PRRG1: variants seen among roughly 807,000 people sequenced by gnomAD.
PRRG1 encodes the protein transmembrane gamma-carboxyglutamic acid protein 1.
Under a neutral mutation model 11.8 loss-of-function variants are expected in PRRG1, and 5 were observed. The ratio of observed to expected loss-of-function variants is 0.42; its 90% CI spans 0.22 to 0.89. PRRG1 has a LOEUF of 0.89. Among genes scored for constraint, PRRG1 ranks in the 40% least tolerant of loss-of-function variants. The pLI, the probability that PRRG1 is intolerant of heterozygous loss-of-function variation, is 0.28. For missense variants in PRRG1, 155 were observed against 166.1 expected, an observed-to-expected ratio of 0.93 and a Z score of 0.37; for synonymous variants, 66 against 60.4, an observed-to-expected ratio of 1.09 and a Z score of -0.43.
chrX:37,424,419 C>G (rs1346578173), intron 2 of PRRG1, among the ~76,000 whole-genome samples: 1 of 111,124 alleles, frequency 9.0e-6, no homozygotes, highest in Non-Finnish European at 1.9e-5. Flanking sequence ...ATAATCAGTC[C>G]TTCAGGGATT....
chrX:37,400,073 C>T (rs1321626875), intron 1 of PRRG1, among the ~76,000 whole-genome samples: 5 of 111,095 alleles, frequency 4.5e-5, no homozygotes, highest in Non-Finnish European at 9.4e-5. Context: ...GACAGATCAA[C>T]GAGACAGAAA....
chrX:37,390,402 T>C (rs1931484245), intron 1 of PRRG1, among the ~76,000 whole-genome samples: 1 of 111,683 alleles, frequency 9.0e-6, no homozygotes, highest in Non-Finnish European at 1.9e-5. Context: ...CCTGTGTGTG[T>C]GCGTATAATA....
chrX:37,452,545 C>T (rs1921181188), intron 3 of PRRG1, among the ~76,000 whole-genome samples: 1 of 112,048 alleles, frequency 8.9e-6, no homozygotes, highest in Non-Finnish European at 1.9e-5. Flanking sequence ...TGAGGTCTCT[C>T]CTAGGAACAA....
intron 1 of PRRG1, among the ~76,000 whole-genome samples, chrX:37,382,594 T>C (rs1556374046): frequency 9.0e-6 from 1 of 111,589 alleles, no homozygotes; most frequent in Non-Finnish European, 1.9e-5. Context: ...GGTACATGAG[T>C]ATAATGCAAC....
intron 1 of PRRG1, among the ~76,000 whole-genome samples, chrX:37,367,223 G>A (rs1930601530): frequency 8.9e-6 from 1 of 112,113 alleles, no homozygotes; most frequent in Non-Finnish European, 1.9e-5. Context: ...ACTTGATTTT[G>A]CATTATATTC....
At chrX:37,377,401 T>C (rs1931007165) in intron 1 of PRRG1, among the ~76,000 whole-genome samples, 1 of 111,909 alleles carries the variant, frequency 8.9e-6, no homozygotes, top group Non-Finnish European at 1.9e-5. Context: ...GTATCAAAAT[T>C]AGGAGGCTTA....
chrX:37,356,320 A>G (rs182899917), intron 1 of PRRG1, among the ~76,000 whole-genome samples: 9 of 111,400 alleles, frequency 8.1e-5, no homozygotes, highest in African/African-American at 2.9e-4. Flanking sequence ...ATCAGGGAAG[A>G]CTTCACTGTC....
At chrX:37,407,439 C>G (rs1001153871) in intron 2 of PRRG1, among the ~76,000 whole-genome samples, 15 of 111,653 alleles carry the variant, frequency 1.3e-4, no homozygotes, top group Admixed American at 3.8e-4. Context: ...ATTAGAATGC[C>G]TTGAAGGATC....
intron 2 of PRRG1, among the ~76,000 whole-genome samples, chrX:37,422,493 C>T (rs1932688936): frequency 1.8e-5 from 2 of 111,733 alleles, no homozygotes; most frequent in African/African-American, 3.3e-5. Flanking sequence ...AGAAGTCCCA[C>T]GGGAAACCAT....
rs782082749 is a variant in PRRG1 at position 37,402,649 on chromosome X, A to G, written c.-41-3560A>G. On this transcript the variant is annotated intron_variant, in intron 1 of 3. Transcript: ENST00000378628. Reference sequence around the variant, plus strand: ...TTGACAAATGAGATCTAATTAAACTAAAGAGCTTCTGCACAGCAACAGAAA... The same window carrying G: ...TTGACAAATGAGATCTAATTAAACTGAAGAGCTTCTGCACAGCAACAGAAA... Among the ~76,000 whole-genome samples, 9 of 111,989 alleles carry G rather than the reference A, an allele frequency of 8.0e-5. No homozygotes were observed. The South Asian group carries it at 1.5e-3, about 19-fold the overall frequency.
chrX:37,393,435 A>G (rs1260950894), intron 1 of PRRG1, among the ~76,000 whole-genome samples: 1 of 110,783 alleles, frequency 9.0e-6, no homozygotes, highest in African/African-American at 3.3e-5. Context: ...TGTGAAGTGA[A>G]TGGCACATAG....
intron 1 of PRRG1, among the ~76,000 whole-genome samples, chrX:37,361,820 G>A (rs1422109730): frequency 3.6e-5 from 4 of 111,746 alleles, no homozygotes; most frequent in African/African-American, 1.3e-4. Flanking sequence ...TTCCAATTTT[G>A]TAAAAAAATC....
intron 2 of PRRG1, among the ~76,000 whole-genome samples, chrX:37,420,950 G>A (rs1932645884): frequency 1.8e-5 from 2 of 111,315 alleles, no homozygotes; most frequent in Admixed American, 1.9e-4. Context: ...AAATATGCCT[G>A]CCTTCTGACC....
At chrX:37,352,421 G>A (rs1209663367) in intron 1 of PRRG1, among the ~76,000 whole-genome samples, 1 of 111,635 alleles carries the variant, frequency 9.0e-6, no homozygotes, top group Non-Finnish European at 1.9e-5. Context: ...CAAAACTCAG[G>A]GAGGAAGAGT....
intron 1 of PRRG1, among the ~76,000 whole-genome samples, chrX:37,375,002 TGTAA>T (rs1930892102): frequency 8.9e-6 from 1 of 112,268 alleles, no homozygotes; most frequent in Non-Finnish European, 1.9e-5. Flanking sequence ...TTTCTGTAGC[TGTAA>T]GTGTCAGGAA....
intron 2 of PRRG1, among the ~76,000 whole-genome samples, chrX:37,409,041 CAAA>C (rs1556382950): frequency 4.5e-5 from 5 of 111,390 alleles, no homozygotes; most frequent in Non-Finnish European, 3.8e-5. Flanking sequence ...GTTGCATAAT[CAAA>C]AATCCATGTA....
intron 1 of PRRG1, among the ~76,000 whole-genome samples, chrX:37,350,239 G>T (rs1178904364): frequency 8.9e-6 from 1 of 112,272 alleles, no homozygotes; most frequent in African/African-American, 3.2e-5. Context: ...TTGTGATTGT[G>T]CTGTGCAAGT....
intron 3 of PRRG1, among the ~76,000 whole-genome samples, chrX:37,442,446 G>C (rs1272286092): frequency 9.2e-6 from 1 of 108,459 alleles, no homozygotes; most frequent in Non-Finnish European, 1.9e-5. Flanking sequence ...ATGTGGGATA[G>C]GGTGGGGTGA....
chrX:37,356,490 A>G (rs1458192651), intron 1 of PRRG1, among the ~76,000 whole-genome samples: 1 of 111,334 alleles, frequency 9.0e-6, no homozygotes, highest in Admixed American at 9.5e-5. Context: ...ATGAATGAGA[A>G]GGGGTGAATA....
Sources: allele counts gnomAD v4.1 joint callset (sites outside exome capture counted in the v4.1 genomes callset), GRCh38; gene constraint gnomAD v4.1.1; transcripts MANE v1.5; gene names NCBI Gene and HGNC (gene_info 2026-07-23, HGNC 2026-07-21).